The following CATSPERG variants were observed in gnomAD, a reference collection of about 807,000 sequenced individuals.
CATSPERG encodes the protein catsper channel auxiliary subunit gamma, also known as cation channel sperm-associated auxiliary subunit gamma.
Under a neutral mutation model 145.0 loss-of-function variants are expected in CATSPERG, and 115 were observed. That is an observed-to-expected ratio of 0.79 (90% CI 0.68 to 0.93). The LOEUF is 0.93. Among genes scored for constraint, CATSPERG ranks in the 40% least tolerant of loss-of-function variants. CATSPERG has a pLI of 0.00. For synonymous variants in CATSPERG, 588 were observed against 589.0 expected (o/e 1.00, Z 0.02); for missense variants, 1,296 against 1,490.1 (o/e 0.87, Z 2.14).
chr19:38,358,659 C>T (rs754250833), intron 13 of CATSPERG, 98 bp downstream of exon 13: 28 of 1,444,238 alleles, frequency 1.9e-5, no homozygotes, highest in Non-Finnish European at 2.6e-5. Context: ...CAAGTCTCAC[C>T]AAGCCTTCAA....
chr19:38,352,127 G>C, intron 7 of CATSPERG, 134 bp from the exon 8 acceptor site: 1 of 833,130 alleles, frequency 1.2e-6, no homozygotes, highest in Non-Finnish European at 1.9e-6. Flanking sequence ...TGCGGGGTGA[G>C]CAGGGAGAGC....
At position 38,367,284 on chromosome 19, in the gene CATSPERG, G is replaced by T. The variant is rs143301713; in HGVS notation, c.2742G>T (p.Pro914=). Residue 914 remains proline, a synonymous_variant, in exon 23 of 29, where the codon CCG becomes CCT. Coordinates refer to ENST00000409235, the MANE Select transcript of CATSPERG (RefSeq NM_021185.5). The stretch of plus-strand genomic sequence containing the variant: ...ACTTTGACTGCGTTAACGTGAACCC[G>T]GAGATGCCCTGCTTTCTCTTCCGGG... ...KHYFDCVNVN[P]EMPCFLFRDI... 6.2e-7 allele frequency: 1 copy of T among 1,613,186 alleles called. No individual in the cohort carries two copies. The highest frequency in any genetic ancestry group is 2.2e-5 in the East Asian group (1 of 44,888).
chr19:38,343,716 G>A lies in CATSPERG; in HGVS notation c.461G>A (p.Arg154His), dbSNP rs547897343. The change falls in exon 4 of 29, where the codon CGC (arginine) becomes CAC (histidine). Residue 154 changes from arginine to histidine, a missense_variant. Coordinates refer to ENST00000409235, the MANE Select transcript of CATSPERG (RefSeq NM_021185.5). ...LQIQMEAAPFRSKEPCMAEEV... is the reference protein window; with the variant it reads ...LQIQMEAAPFHSKEPCMAEEV... The stretch of plus-strand genomic sequence containing the variant: ...ATCCAGATGGAGGCTGCCCCCTTCC[G>A]CAGCAAAGGTGGGCCTGGGGGAGGC... The A allele has an allele frequency of 5.0e-5, 78 of 1,549,444 alleles. 1 individual carries two copies. The highest frequency in any genetic ancestry group is 3.6e-4 in the South Asian group (30 of 84,046).
intron 17 of CATSPERG, 90 bp downstream of exon 17, chr19:38,361,951 C>T (rs1568381057): frequency 1.0e-5 from 7 of 667,544 alleles, no homozygotes; most frequent in Non-Finnish European, 1.6e-5. Flanking sequence ...GAGCGGAGCG[C>T]AGCGGGATTG....
At chr19:38,361,334 A>G (rs945343569) in intron 16 of CATSPERG, among the ~76,000 whole-genome samples, 1 of 152,114 alleles carries the variant, frequency 6.6e-6, no homozygotes, top group Non-Finnish European at 1.5e-5. Context: ...CCAGGGAGGC[A>G]GCTGGAGTCG....
At chr19:38,341,236 T>C (rs1283937389) in intron 3 of CATSPERG, among the ~76,000 whole-genome samples, 1 of 152,044 alleles carries the variant, frequency 6.6e-6, no homozygotes, top group Non-Finnish European at 1.5e-5. Context: ...AGAGGAGGGA[T>C]TGGATCTGAT....
At position 38,362,534 on chromosome 19, in the gene CATSPERG, G is replaced by C. The variant is rs1207552241; in HGVS notation, c.2316G>C (p.Leu772=). 1 of 1,613,908 alleles carries C rather than the reference G, an allele frequency of 6.2e-7. No homozygotes were observed. The highest frequency in any genetic ancestry group is 1.7e-5 in the Admixed American group (1 of 60,030). ...CTGAGTACAGCTTCGCCATCTTCCT[G>C]TCGGCGCAGGGCCACTCGTTCCGGA... ...KGTEYSFAIF[L]SAQGHSFRTQ... is the part of the protein sequence containing the mutation. Residue 772 remains leucine, a synonymous_variant, in exon 19 of 29, where the codon CTG becomes CTC. Transcript: ENST00000409235.
intron 3 of CATSPERG, among the ~76,000 whole-genome samples, chr19:38,341,876 T>C (rs1201526205): frequency 1.3e-5 from 2 of 151,738 alleles, no homozygotes; most frequent in Non-Finnish European, 2.9e-5. Context: ...TACTCCAGCC[T>C]GGGCAACAAG....
rs144125035 is a variant in CATSPERG at position 38,342,632 on chromosome 19, C to T, written c.325-948C>T. Reference sequence around the variant, plus strand: ...AAAAAAAAAAGGAAAAGAAAGGAGCCTGGCAAAGAAAGTAAAGAAAGTCAG... The same window carrying T: ...AAAAAAAAAAGGAAAAGAAAGGAGCTTGGCAAAGAAAGTAAAGAAAGTCAG... On this transcript the variant is annotated intron_variant, in intron 3 of 28. Coordinates refer to ENST00000409235, the MANE Select transcript of CATSPERG (RefSeq NM_021185.5). 6.4e-3 allele frequency among the ~76,000 whole-genome samples: 969 copies of T among 151,598 alleles called. 8 individuals are homozygous for T. Among genetic ancestry groups the T allele is most frequent in the African/African-American group, 0.022 (908 of 41,328 alleles).
intron 1 of CATSPERG, chr19:38,336,216 C>T (rs1171726600): frequency 4.4e-6 from 2 of 456,052 alleles, no homozygotes; most frequent in African/African-American, 2.0e-5. Context: ...AAGAAGGTGC[C>T]GGCTAAGAAG....
Position 38,367,144 on chromosome 19 carries a change from C to A in CATSPERG, c.2614-12C>A. 1 of 1,603,268 alleles carries A rather than the reference C, an allele frequency of 6.2e-7. No individual in the cohort carries two copies. The highest frequency in any genetic ancestry group is 8.5e-7 in the Non-Finnish European group (1 of 1,176,344). ...CTGGCCACCCCTGTGAGCCTTTTTT[C>A]CTCCCACCGAGGGCAACCTGATGGT... On this transcript the variant is annotated splice_polypyrimidine_tract_variant and intron_variant, in intron 22 of 28. Transcript: ENST00000409235.
At chr19:38,368,450 T>C (rs572707215) in intron 26 of CATSPERG, among the ~76,000 whole-genome samples, 2 of 152,210 alleles carry the variant, frequency 1.3e-5, no homozygotes, top group Admixed American at 1.3e-4. Context: ...CCCCTACCTG[T>C]GCGTCCCCAT....
At chr19:38,361,992 G>GGGGGCCGA in intron 17 of CATSPERG, 131 bp downstream of exon 17, 1 of 347,394 alleles carries the variant, frequency 2.9e-6, no homozygotes, top group Non-Finnish European at 5.6e-6. Context: ...GTGGGCGGGG[G>GGGGGCCGA]ACCTGGGGGC....
At chr19:38,358,617 T>C in intron 13 of CATSPERG, 56 bp downstream of exon 13, 1 of 1,605,314 alleles carries the variant, frequency 6.2e-7, no homozygotes, top group Admixed American at 1.7e-5. Flanking sequence ...CCAGCAACTT[T>C]ACGGTGGGGA....
chr19:38,347,580 T>A (rs1223615006), intron 7 of CATSPERG, among the ~76,000 whole-genome samples: 2 of 152,146 alleles, frequency 1.3e-5, no homozygotes, highest in Non-Finnish European at 2.9e-5. Context: ...GACAGAACTA[T>A]GTTGGAATTA....
rs112297425 is a variant in CATSPERG at position 38,369,889 on chromosome 19, A to G, written c.3021-83A>G. ...ATTGCACCCATTTGGTCCTCACCGAAAACATTGGGTGGAGGAAGAAATTGG... is the reference window on the plus strand; with the variant it reads ...ATTGCACCCATTTGGTCCTCACCGAGAACATTGGGTGGAGGAAGAAATTGG... On this transcript the variant is annotated intron_variant, in intron 26 of 28. Transcript: ENST00000409235. The G allele has an allele frequency of 5.3e-3, 7,048 of 1,324,274 alleles. 134 individuals are homozygous for G. Among genetic ancestry groups the G allele is most frequent in the East Asian group, 0.05 (2,163 of 43,410 alleles). 82.0% of individuals were successfully genotyped at this position (1,324,274 alleles called of 1,614,324 possible). A position where few individuals can be genotyped will look rare whatever the true frequency, so the allele number is the denominator to read the frequency against.
intron 1 of CATSPERG, 65 bp from the exon 2 acceptor site, chr19:38,337,156 G>A (rs1385378725): frequency 1.3e-6 from 2 of 1,518,976 alleles, no homozygotes; most frequent in East Asian, 2.5e-5. Context: ...GAAGCGAGGT[G>A]GAATCTTAAA....
chr19:38,354,157 T>C (rs188076505), intron 8 of CATSPERG, among the ~76,000 whole-genome samples: 158 of 152,346 alleles, frequency 1.0e-3, no homozygotes, highest in African/African-American at 3.6e-3. Context: ...GCTTAGTCTC[T>C]TTCTTACTTT....
In CATSPERG at chr19:38,360,740, C is replaced by G. The variant is rs1909971863; in HGVS notation, c.1777C>G (p.Leu593Val). ...EDSKLYQLVY[L>V]MNNQKGQLVK... is the part of the protein sequence containing the mutation. Reference sequence around the variant, plus strand: ...TGCCTTCCCCCTGCAGCTGGTGTACCTTATGAACAACCAGAAGGGCCAGCT... The same window carrying G: ...TGCCTTCCCCCTGCAGCTGGTGTACGTTATGAACAACCAGAAGGGCCAGCT... Residue 593 changes from leucine (L) to valine (V), a missense_variant, in exon 16 of 29, where the codon CTT (leucine) becomes GTT (valine). Leu to Val is a conservative substitution (Grantham distance 32). Coordinates refer to ENST00000409235, the MANE Select transcript of CATSPERG (RefSeq NM_021185.5). 1 of 1,614,008 alleles carries G rather than the reference C, an allele frequency of 6.2e-7. No homozygotes were observed. Among genetic ancestry groups the G allele is most frequent in the African/African-American group, 1.3e-5 (1 of 74,932 alleles).
Sources: allele counts gnomAD v4.1 joint callset (sites outside exome capture counted in the v4.1 genomes callset), GRCh38; gene constraint gnomAD v4.1.1; transcripts MANE v1.5; gene names NCBI Gene and HGNC (gene_info 2026-07-23, HGNC 2026-07-21).